Variants in TRPC5 observed in about 807,000 individuals in gnomAD.
The protein encoded by TRPC5 is short transient receptor potential channel 5.
TRPC5 carries 9 observed loss-of-function variants against 56.5 expected under a neutral mutation model. The ratio of observed to expected loss-of-function variants is 0.16; its 90% confidence interval spans 0.10 to 0.28. The LOEUF is 0.28. TRPC5 is among the 10% of genes least tolerant of loss of function. TRPC5 has a pLI of 1.00. For synonymous variants in TRPC5, 282 were observed against 278.5 expected (o/e 1.01, Z -0.13); for missense variants, 469 against 748.9 (o/e 0.63, Z 4.36).
intron 7 of TRPC5, among the ~76,000 whole-genome samples, chrX:111,820,701 A>G (rs999159274): frequency 9.0e-6 from 1 of 111,679 alleles, no homozygotes; most frequent in Non-Finnish European, 1.9e-5. Flanking sequence ...GAACAAGAAG[A>G]CAATAAACTT....
chrX:111,937,384 A>G (rs1228269553), intron 2 of TRPC5, among the ~76,000 whole-genome samples: 1 of 101,889 alleles, frequency 9.8e-6, no homozygotes, highest in Non-Finnish European at 2.0e-5. Context: ...TTTTGTTGCC[A>G]TTGCTTTTGG....
chrX:111,984,279 C>T lies in TRPC5; in HGVS notation c.-21-31838G>A, dbSNP rs990860291. On this transcript the variant is annotated intron_variant, in intron 1 of 10. Transcript: ENST00000262839. The stretch of plus-strand genomic sequence containing the variant: ...GACACTTGAAGCATCATTGGTTCGG[C>T]TGGGTGATGTAGCTCAAGCGACAGA... Among the ~76,000 whole-genome samples the T allele has an allele frequency of 8.1e-5, 9 of 111,780 alleles. 1 individual carries two copies. The highest frequency in any genetic ancestry group is 2.8e-4 in the East Asian group (1 of 3,515).
chrX:111,839,990 G>A (rs1300205257), intron 6 of TRPC5, among the ~76,000 whole-genome samples: 4 of 111,490 alleles, frequency 3.6e-5, no homozygotes, highest in African/African-American at 1.3e-4. Flanking sequence ...CTAACACGGT[G>A]AAACCCCATC....
At chrX:111,782,344 C>A (rs1162836156) in intron 7 of TRPC5, among the ~76,000 whole-genome samples, 1 of 111,884 alleles carries the variant, frequency 8.9e-6, no homozygotes, top group Non-Finnish European at 1.9e-5. Context: ...ATGTACATGG[C>A]TGTTCACTGT....
intron 2 of TRPC5, among the ~76,000 whole-genome samples, chrX:111,940,689 T>TAAA (rs781266805): frequency 2.8e-5 from 2 of 70,316 alleles, no homozygotes; most frequent in East Asian, 4.3e-4. Flanking sequence ...GGACTACGTC[T>TAAA]AAAAAAAAAA....
At position 111,803,173 on chromosome X, in the gene TRPC5, T is replaced by C. The variant is rs759986416; in HGVS notation, c.1897-21035A>G. Among the ~76,000 whole-genome samples the C allele has an allele frequency of 4.5e-5, 5 of 112,212 alleles. 1 individual carries two copies. The South Asian group carries it at 1.9e-3, about 42-fold the overall frequency. ...GAATGATGGTTTCCAGCTTCATCCA[T>C]GTCCCTGCAAAGGACATGAACTCAT... On this transcript the variant is annotated intron_variant, in intron 7 of 10. Transcript: ENST00000262839.
chrX:111,996,679 A>G (rs1011824185), intron 1 of TRPC5, among the ~76,000 whole-genome samples: 3 of 111,789 alleles, frequency 2.7e-5, no homozygotes, highest in African/African-American at 9.8e-5. Context: ...TATTGGGTGC[A>G]TATATATTTA....
In TRPC5 at chrX:111,868,041, A is replaced by G. The variant is rs58094267; in HGVS notation, c.901-13935T>C. ...GAGAAAACTGAGGCTCAGAGAGGTT[A>G]AATAGTAATAATAACAACATCTAAC... is the stretch of plus-strand genomic sequence containing the variant. On this transcript the variant is annotated intron_variant, in intron 3 of 10. Coordinates refer to ENST00000262839, the MANE Select transcript of TRPC5 (RefSeq NM_012471.3). Among the ~76,000 whole-genome samples, 538 of 112,463 alleles carry G rather than the reference A, an allele frequency of 4.8e-3. 7 individuals are homozygous for G. The highest frequency in any genetic ancestry group is 0.017 in the African/African-American group (514 of 30,963).
chrX:111,932,773 T>C (rs763184911), intron 2 of TRPC5, among the ~76,000 whole-genome samples: 2 of 111,881 alleles, frequency 1.8e-5, no homozygotes, highest in East Asian at 5.7e-4. Flanking sequence ...CCCAGCTATT[T>C]GTGATCAGAT....
intron 2 of TRPC5, among the ~76,000 whole-genome samples, chrX:111,942,757 G>C (rs992442539): frequency 1.8e-5 from 2 of 111,878 alleles, no homozygotes; most frequent in Non-Finnish European, 3.8e-5. Context: ...AAAATCCATT[G>C]TTTTCACCTA....
chrX:111,915,794 T>C (rs187302432), intron 2 of TRPC5, among the ~76,000 whole-genome samples: 3 of 110,873 alleles, frequency 2.7e-5, no homozygotes, highest in Non-Finnish European at 3.8e-5. Flanking sequence ...TTAAATTTCC[T>C]GTTTTCACAT....
chrX:111,877,662 A>G (rs1013399623), intron 3 of TRPC5, among the ~76,000 whole-genome samples: 1 of 111,309 alleles, frequency 9.0e-6, no homozygotes, highest in Non-Finnish European at 1.9e-5. Context: ...ATAATTAAGG[A>G]AAAATGCATA....
chrX:112,017,902 C>T lies in TRPC5; in HGVS notation c.-22+63977G>A, dbSNP rs761082309. ...TGGCTATTGAGCACTTAAAGTGTGG[C>T]TAGTATGAAGTGAGATACATAGTAA... On this transcript the variant is annotated intron_variant, in intron 1 of 10. Transcript: ENST00000262839. Among the ~76,000 whole-genome samples the T allele has an allele frequency of 2.7e-5, 3 of 111,824 alleles. No homozygotes were observed. In the East Asian group the frequency reaches 8.4e-4, roughly 31 times the overall value.
At chrX:111,833,543 T>A (rs997264064) in intron 7 of TRPC5, among the ~76,000 whole-genome samples, 1 of 111,114 alleles carries the variant, frequency 9.0e-6, no homozygotes, top group African/African-American at 3.3e-5. Context: ...ATAACAGAAA[T>A]TCTATAGACC....
At chrX:111,926,956 G>A (rs140362484) in intron 2 of TRPC5, among the ~76,000 whole-genome samples, 31 of 112,334 alleles carry the variant, frequency 2.8e-4, no homozygotes, top group African/African-American at 9.7e-4. Context: ...AGAACACTGC[G>A]TCAGTATAAT....
At chrX:112,040,228 G>A (rs1434481915) in intron 1 of TRPC5, among the ~76,000 whole-genome samples, 3 of 112,129 alleles carry the variant, frequency 2.7e-5, no homozygotes, top group Non-Finnish European at 5.6e-5. Context: ...AATCTAATAA[G>A]AATTGATGTG....
At chrX:111,878,129 T>C (rs948719263) in intron 3 of TRPC5, among the ~76,000 whole-genome samples, 1 of 110,570 alleles carries the variant, frequency 9.0e-6, no homozygotes, top group African/African-American at 3.3e-5. Context: ...AAGATCCAAC[T>C]CTTCTTGGAA....
chrX:111,807,995 C>T (rs979250785), intron 7 of TRPC5, among the ~76,000 whole-genome samples: 13 of 80,834 alleles, frequency 1.6e-4, no homozygotes, highest in African/African-American at 4.3e-4. Context: ...TGTGTGTGCA[C>T]GCGCTGAGCT....
chrX:112,019,114 A>C (rs1929201992), intron 1 of TRPC5, among the ~76,000 whole-genome samples: 1 of 112,562 alleles, frequency 8.9e-6, no homozygotes, highest in Admixed American at 9.4e-5. Flanking sequence ...TTACATCTGC[A>C]AATACCTTCA....
Sources: allele counts gnomAD v4.1 joint callset (sites outside exome capture counted in the v4.1 genomes callset), GRCh38; gene constraint gnomAD v4.1.1; transcripts MANE v1.5; gene names NCBI Gene and HGNC (gene_info 2026-07-23, HGNC 2026-07-21).